Variants in ZNF678 observed in about 807,000 individuals in gnomAD.
ZNF678 encodes the protein zinc finger protein 678.
A neutral mutation model predicts 3.0 loss-of-function variants in ZNF678; 5 were observed. The observed-to-expected ratio is 1.69, with a 90% CI of 0.88 to 3.56. The LOEUF (loss-of-function observed/expected upper bound fraction) is 3.56. Among genes scored for constraint, ZNF678 ranks in the 30% most tolerant of loss-of-function variants. The pLI is 0.00. For missense variants in ZNF678, 593 were observed against 605.0 expected (o/e 0.98, Z 0.21); for synonymous variants, 218 against 199.6 (o/e 1.09, Z -0.78).
At chr1:227,650,292 C>A (rs1056623171) in intron 2 of ZNF678, among the ~76,000 whole-genome samples, 4 of 152,054 alleles carry the variant, frequency 2.6e-5, no homozygotes, top group African/African-American at 7.2e-5. Context: ...ATTCTTGACG[C>A]CCTTGTTAAA....
chr1:227,642,604 T>C (rs1198508735), intron 1 of ZNF678, among the ~76,000 whole-genome samples: 1 of 152,070 alleles, frequency 6.6e-6, no homozygotes, highest in East Asian at 1.9e-4. Context: ...TAATTTACTT[T>C]CCTGGCCTCA....
rs1436064393 is a variant in ZNF678, at chr1:227,659,016, A to C, written c.*3188A>C. On this transcript the variant is annotated 3_prime_UTR_variant, in exon 4 of 4. Coordinates refer to ENST00000343776, the MANE Select transcript of ZNF678 (RefSeq NM_001367909.1). ...ATGGCAAGCAAAAAAGTTTAAATTT[A>C]GTTTTTTATAAATTACATATAGCAC... The C allele has an allele frequency of 6.6e-6, 1 of 152,096 alleles. No homozygotes were observed. The highest frequency in any genetic ancestry group is 1.5e-5 in the Non-Finnish European group (1 of 67,974). 9.4% of individuals were successfully genotyped at this position (152,096 alleles called of 1,614,324 possible).
intron 1 of ZNF678, among the ~76,000 whole-genome samples, chr1:227,602,313 A>G (rs1463152766): frequency 6.6e-6 from 1 of 152,210 alleles, no homozygotes; most frequent in Non-Finnish European, 1.5e-5. Flanking sequence ...GTTAAAATTT[A>G]TGTTTACTGT....
chr1:227,654,538 C>A lies in ZNF678; in HGVS notation c.288C>A (p.Ile96=). Residue 96 remains isoleucine, a synonymous_variant, in exon 4 of 4, where the codon ATC becomes ATA. Coordinates refer to ENST00000343776, the MANE Select transcript of ZNF678 (RefSeq NM_001367909.1). ...LTQCSSTKSK[I]FQCIECGRNF... ...AATGTTCATCAACTAAAAGCAAAAT[C>A]TTTCAATGTATTGAATGTGGCAGAA... is the stretch of plus-strand genomic sequence containing the variant. The A allele has an allele frequency of 6.2e-7, 1 of 1,613,338 alleles. No homozygotes were observed. The highest frequency in any genetic ancestry group is 1.7e-4 in the Middle Eastern group (1 of 6,048).
intron 1 of ZNF678, among the ~76,000 whole-genome samples, chr1:227,631,190 T>C (rs1475597269): frequency 6.6e-6 from 1 of 152,210 alleles, no homozygotes; most frequent in East Asian, 1.9e-4. Context: ...CATTTTCCGA[T>C]GAGCATTAGT....
chr1:227,677,723 T>C (rs1470114707), downstream of ZNF678, among the ~76,000 whole-genome samples: 1 of 152,210 alleles, frequency 6.6e-6, no homozygotes, highest in African/African-American at 2.4e-5. Context: ...ATCTTTTCCC[T>C]GAACCAAATA....
At chr1:227,582,321 A>G (rs1023661447) in intron 1 of ZNF678, among the ~76,000 whole-genome samples, 3 of 151,796 alleles carry the variant, frequency 2.0e-5, no homozygotes, top group Admixed American at 6.6e-5. Flanking sequence ...ATATATGTAT[A>G]TATGTGTGTA....
chr1:227,576,783 G>A (rs1327091256), intron 1 of ZNF678, among the ~76,000 whole-genome samples: 5 of 151,972 alleles, frequency 3.3e-5, no homozygotes, highest in Non-Finnish European at 7.4e-5. Context: ...TGCTAGCTTT[G>A]GGATTTGTAC....
At chr1:227,602,813 A>G (rs898584462) in intron 1 of ZNF678, among the ~76,000 whole-genome samples, 4 of 152,214 alleles carry the variant, frequency 2.6e-5, no homozygotes, top group African/African-American at 9.6e-5. Context: ...ATGGCTGAAT[A>G]GTACTTGTTG....
intron 1 of ZNF678, among the ~76,000 whole-genome samples, chr1:227,567,773 T>A (rs1373747880): frequency 2.0e-5 from 3 of 152,102 alleles, no homozygotes; most frequent in Non-Finnish European, 4.4e-5. Context: ...GGTGATTTTT[T>A]TAAAATTATT....
chr1:227,631,438 G>C (rs1308314225), intron 1 of ZNF678, among the ~76,000 whole-genome samples: 1 of 152,144 alleles, frequency 6.6e-6, no homozygotes, highest in East Asian at 1.9e-4. Context: ...CTGTGTTCCT[G>C]AGTATTTCAT....
At chr1:227,628,199 A>G (rs556211330) in intron 1 of ZNF678, among the ~76,000 whole-genome samples, 2 of 152,174 alleles carry the variant, frequency 1.3e-5, no homozygotes, top group East Asian at 1.9e-4. Flanking sequence ...AATGAGTCCA[A>G]CCCTTTGCCA....
intron 1 of ZNF678, among the ~76,000 whole-genome samples, chr1:227,631,058 C>G (rs1193479560): frequency 6.6e-6 from 1 of 152,054 alleles, no homozygotes; most frequent in Non-Finnish European, 1.5e-5. Context: ...TAAGTTGTTT[C>G]TTTCTTAGCG....
At chr1:227,581,202 T>G (rs1657121004) in intron 1 of ZNF678, among the ~76,000 whole-genome samples, 1 of 151,830 alleles carries the variant, frequency 6.6e-6, no homozygotes, top group South Asian at 2.1e-4. Flanking sequence ...TTAGGGCTTG[T>G]CATTAAAATT....
intron 1 of ZNF678, among the ~76,000 whole-genome samples, chr1:227,621,728 A>G (rs1311117067): frequency 6.6e-6 from 1 of 152,170 alleles, no homozygotes; most frequent in East Asian, 1.9e-4. Flanking sequence ...AAGCCCCCCA[A>G]CTGAATGAAT....
chr1:227,589,529 A>G (rs770494616), intron 1 of ZNF678, among the ~76,000 whole-genome samples: 28 of 151,796 alleles, frequency 1.8e-4, no homozygotes, highest in Admixed American at 9.2e-4. Flanking sequence ...AGCTGGGAGC[A>G]TTGGCAAGAC....
chr1:227,595,401 C>T (rs1322707785), intron 1 of ZNF678, among the ~76,000 whole-genome samples: 2 of 152,100 alleles, frequency 1.3e-5, no homozygotes, highest in African/African-American at 4.8e-5. Context: ...TACAGGTTAC[C>T]TTGTGCCATA....
At chr1:227,596,387 G>A (rs891200889) in intron 1 of ZNF678, among the ~76,000 whole-genome samples, 8 of 152,230 alleles carry the variant, frequency 5.3e-5, no homozygotes, top group African/African-American at 1.7e-4. Flanking sequence ...CCCTGAGTGA[G>A]CAATTCCTGT....
At chr1:227,573,799 T>C (rs1400134192) in intron 1 of ZNF678, among the ~76,000 whole-genome samples, 2 of 141,418 alleles carry the variant, frequency 1.4e-5, no homozygotes, top group East Asian at 4.0e-4. Context: ...TCATTAGTTA[T>C]TTTTTCTGAT....
Sources: allele counts gnomAD v4.1 joint callset (sites outside exome capture counted in the v4.1 genomes callset), GRCh38; gene constraint gnomAD v4.1.1; transcripts MANE v1.5; gene names NCBI Gene and HGNC (gene_info 2026-07-23, HGNC 2026-07-21).